Variants in TGFBI observed in about 807,000 individuals in gnomAD.
TGFBI encodes the protein transforming growth factor-beta-induced protein ig-h3.
A neutral mutation model predicts 73.7 loss-of-function variants in TGFBI; 50 were observed. That is an observed-to-expected ratio of 0.68 (90% confidence interval 0.54 to 0.86). The LOEUF is 0.86. Among genes scored for constraint, TGFBI ranks in the 40% least tolerant of loss-of-function variants. The probability of loss-of-function intolerance (pLI) is 0.00; values close to 1 mark genes in which losing one functional copy is unlikely to be tolerated. For synonymous variants in TGFBI, 362 were observed against 360.5 expected (o/e 1.00, Z -0.05); for missense variants, 839 against 877.0 (o/e 0.96, Z 0.55).
chr5:136,033,671 T>TG (rs1168790351), intron 1 of TGFBI, 92 bp from the exon 2 acceptor site: 2 of 1,000,558 alleles, frequency 2.0e-6, no homozygotes, highest in Non-Finnish European at 3.1e-6. Flanking sequence ...TCTAGAAAGT[T>TG]CCAGTGACCC....
chr5:136,049,415 C>T, intron 6 of TGFBI, 24 bp from the exon 7 acceptor site: 1 of 1,611,892 alleles, frequency 6.2e-7, no homozygotes. Flanking sequence ...TCAGGGAGCA[C>T]TCCATCTTCT....
chr5:136,047,277 G>T lies in TGFBI; in HGVS notation c.628G>T (p.Val210Leu). The change falls in exon 6 of 17, where the codon GTA (valine) becomes TTA (leucine). Residue 210 changes from valine (V) to leucine (L), a missense_variant. Val to Leu is a conservative substitution (Grantham distance 32). Coordinates refer to ENST00000442011, the MANE Select transcript of TGFBI (RefSeq NM_000358.3). ...IQIHHYPNGI[V>L]TVNCARLLKA... ...TCCTTGCTGCTTCTCTGGGCAGATT[G>T]TAACTGTGAACTGTGCCCGGCTGCT... 1 of 1,613,764 alleles carries T rather than the reference G, an allele frequency of 6.2e-7. No homozygotes were observed. The highest frequency in any genetic ancestry group is 8.5e-7 in the Non-Finnish European group (1 of 1,179,832).
At position 136,059,075 on chromosome 5, in the gene TGFBI, T is replaced by C; in HGVS notation, c.1679-15T>C. ...TCTTGGGATTAACTCTATCTCCTTTTCCCGCAACCTGCAGGAGATGCCAAG... is the reference window on the plus strand; with the variant it reads ...TCTTGGGATTAACTCTATCTCCTTTCCCCGCAACCTGCAGGAGATGCCAAG... On this transcript the variant is annotated splice_polypyrimidine_tract_variant and intron_variant, in intron 12 of 16. Transcript: ENST00000442011. The C allele has an allele frequency of 6.2e-7, 1 of 1,608,758 alleles. No individual in the cohort carries two copies.
At chr5:136,040,038 A>C (rs1751302704) in intron 2 of TGFBI, among the ~76,000 whole-genome samples, 1 of 152,218 alleles carries the variant, frequency 6.6e-6, no homozygotes, top group East Asian at 1.9e-4. Flanking sequence ...TCTCGAGTAT[A>C]ATTAATCCCC....
Position 136,056,785 on chromosome 5 carries a change from C to G in TGFBI, c.1668C>G (p.Ser556Arg). Residue 556 changes from serine to arginine, a missense_variant, in exon 12 of 17, where the codon AGC (serine) becomes AGG (arginine). Physicochemically the swap from Ser to Arg is moderately radical, Grantham distance 110. Transcript: ENST00000442011. ...AFRALPPRER[S>R]RLLGDAKELA... ...GAGCCCTGCCACCAAGAGAACGGAG[C>G]AGACTCTTGGGTAAAGACCAACTTA... 1 of 1,613,416 alleles carries G rather than the reference C, an allele frequency of 6.2e-7. No homozygotes were observed. The highest frequency in any genetic ancestry group is 8.5e-7 in the Non-Finnish European group (1 of 1,179,612).
chr5:136,056,877 C>G, intron 12 of TGFBI, 82 bp downstream of exon 12: 1 of 1,475,172 alleles, frequency 6.8e-7, no homozygotes. Flanking sequence ...GTTGGCACAT[C>G]AAGGATTGAC....
chr5:136,032,678 A>G (rs756519140), intron 1 of TGFBI, among the ~76,000 whole-genome samples: 26 of 152,132 alleles, frequency 1.7e-4, no homozygotes, highest in Non-Finnish European at 2.9e-4. Flanking sequence ...CTTTCCTCTG[A>G]CTTGTGATTC....
intron 1 of TGFBI, among the ~76,000 whole-genome samples, chr5:136,033,223 T>G (rs1436415825): frequency 1.3e-5 from 2 of 152,188 alleles, no homozygotes; most frequent in African/African-American, 4.8e-5. Flanking sequence ...GCATGTCATC[T>G]GGGACATTGG....
At chr5:136,040,721 A>C (rs1399835637) in intron 2 of TGFBI, among the ~76,000 whole-genome samples, 1 of 152,220 alleles carries the variant, frequency 6.6e-6, no homozygotes, top group African/African-American at 2.4e-5. Flanking sequence ...GCTTTGGCTG[A>C]TGAGATTAGA....
intron 1 of TGFBI, among the ~76,000 whole-genome samples, chr5:136,030,705 C>A (rs576662052): frequency 6.6e-6 from 1 of 152,264 alleles, no homozygotes; most frequent in South Asian, 2.1e-4. Flanking sequence ...CCCACCTCTC[C>A]GTTGGTCTCT....
intron 11 of TGFBI, 46 bp downstream of exon 11, chr5:136,055,862 C>A (rs1263908656): frequency 3.2e-6 from 5 of 1,550,922 alleles, no homozygotes; most frequent in African/African-American, 1.4e-5. Context: ...AGTGGTCATG[C>A]TGGAGTGGGA....
At chr5:136,055,898 C>T in intron 11 of TGFBI, 82 bp downstream of exon 11, 1 of 1,425,600 alleles carries the variant, frequency 7.0e-7, no homozygotes, top group South Asian at 1.5e-5. Flanking sequence ...ATTTGTCAAG[C>T]TTTCTTCTAC....
intron 13 of TGFBI, among the ~76,000 whole-genome samples, chr5:136,059,552 C>T (rs1294545816): frequency 6.6e-6 from 1 of 152,120 alleles, no homozygotes; most frequent in East Asian, 1.9e-4. Flanking sequence ...CACCATCCCA[C>T]CCCCCAAACC....
chr5:136,030,268 A>G (rs1362110590), intron 1 of TGFBI, among the ~76,000 whole-genome samples: 1 of 152,186 alleles, frequency 6.6e-6, no homozygotes, highest in Non-Finnish European at 1.5e-5. Flanking sequence ...TCTGTGCTCA[A>G]ATCAAAACTC....
chr5:136,054,643 G>A (rs1751593701), intron 9 of TGFBI, 73 bp from the exon 10 acceptor site: 1 of 1,599,866 alleles, frequency 6.3e-7, no homozygotes, highest in African/African-American at 1.3e-5. Context: ...CTTTTTCACT[G>A]TATTTATCTC....
At chr5:136,057,025 G>C (rs1421024149) in intron 12 of TGFBI, among the ~76,000 whole-genome samples, 1 of 152,152 alleles carries the variant, frequency 6.6e-6, no homozygotes, top group East Asian at 1.9e-4. Flanking sequence ...GGGAGGATGA[G>C]AGCAGGAACC....
rs1751564022 is a variant in TGFBI at position 136,052,999 on chromosome 5, G to C, written c.1006G>C (p.Glu336Gln). The change falls in exon 8 of 17, where the codon GAG (glutamate) becomes CAG (glutamine). Residue 336 changes from glutamate (E) to glutamine (Q), a missense_variant. By Grantham distance (29) the Glu-to-Gln change is conservative. Transcript: ENST00000442011. ...AGAGACCCTGGAGGGCACGACACTG[G>C]AGGTGGGCTGCAGCGGGGACATGCT... is the stretch of plus-strand genomic sequence containing the variant. ...SVETLEGTTL[E>Q]VGCSGDMLTI... The C allele has an allele frequency of 6.2e-7, 1 of 1,613,932 alleles. No homozygotes were observed. Among genetic ancestry groups the C allele is most frequent in the African/African-American group, 1.3e-5 (1 of 74,940 alleles).
chr5:136,030,210 G>A (rs1324465067), intron 1 of TGFBI, among the ~76,000 whole-genome samples: 1 of 152,178 alleles, frequency 6.6e-6, no homozygotes, highest in Non-Finnish European at 1.5e-5. Flanking sequence ...TCGGGGTCTG[G>A]CGTTCACACC....
In TGFBI at chr5:136,039,465, A is replaced by G. The variant is rs530529222; in HGVS notation, c.234-4593A>G. On this transcript the variant is annotated intron_variant, in intron 2 of 16. Coordinates refer to ENST00000442011, the MANE Select transcript of TGFBI (RefSeq NM_000358.3). ...TAAACTGCCCCAGGTCTCTGTCTACAGCCTCAAACCTGTGGCTGTGGGTCC... is the reference window on the plus strand; with the variant it reads ...TAAACTGCCCCAGGTCTCTGTCTACGGCCTCAAACCTGTGGCTGTGGGTCC... Among the ~76,000 whole-genome samples, 4 of 152,302 alleles carry G rather than the reference A, an allele frequency of 2.6e-5. No homozygotes were observed. In the East Asian group the frequency reaches 7.7e-4, roughly 29 times the overall value.
Sources: gnomAD v4.1 joint callset for allele counts (sites outside exome capture counted in the v4.1 genomes callset) on GRCh38, gnomAD v4.1.1 for gene constraint, MANE v1.5 for transcripts, NCBI Gene and HGNC (gene_info 2026-07-23, HGNC 2026-07-21) for gene names.